CHRM2: variants seen among roughly 807,000 people sequenced by gnomAD.
The protein encoded by CHRM2 is cholinergic receptor muscarinic 2, also known as muscarinic acetylcholine receptor M2.
In CHRM2, 8 loss-of-function variants were observed where a neutral mutation model predicts 25.0. The observed-to-expected ratio is 0.32, with a 90% confidence interval of 0.19 to 0.58. The LOEUF is 0.58. Ranked by LOEUF, CHRM2 falls within the 20% of genes least tolerant of loss-of-function variation. The pLI, the probability that CHRM2 is intolerant of heterozygous loss-of-function variation, is 0.88. For synonymous variants in CHRM2, 202 were observed against 205.7 expected (o/e 0.98, Z 0.15); for missense variants, 440 against 567.1 (o/e 0.78, Z 2.28).
At chr7:136,950,734 C>T (rs1306268040) in intron 2 of CHRM2, among the ~76,000 whole-genome samples, 2 of 152,122 alleles carry the variant, frequency 1.3e-5, no homozygotes, top group African/African-American at 4.8e-5. Flanking sequence ...GATTCTGAAC[C>T]AGGACTGAAC....
At chr7:136,952,933 ATTCCATGGT>A (rs1269431127) in intron 2 of CHRM2, among the ~76,000 whole-genome samples, 3 of 152,170 alleles carry the variant, frequency 2.0e-5, no homozygotes, top group African/African-American at 7.2e-5. Flanking sequence ...GCTGCATAGT[ATTCCATGGT>A]TTATATATAC....
At chr7:137,001,710 C>T (rs538777768) in intron 3 of CHRM2, among the ~76,000 whole-genome samples, 10 of 152,234 alleles carry the variant, frequency 6.6e-5, no homozygotes, top group African/African-American at 2.4e-4. Flanking sequence ...AGGTCTGTAT[C>T]CCTTGTCTTG....
chr7:136,875,176 A>C (rs6962563), intron 2 of CHRM2, among the ~76,000 whole-genome samples: 32,566 of 150,118 alleles, frequency 0.22, 4,509 homozygotes, highest in African/African-American at 0.38. Context: ...ATATATATAT[A>C]TCTCCAGCAA....
chr7:136,930,619 C>G (rs1025314477), intron 2 of CHRM2, among the ~76,000 whole-genome samples: 2 of 151,330 alleles, frequency 1.3e-5, no homozygotes, highest in African/African-American at 4.9e-5. Context: ...TAGAAAATGC[C>G]AGGCGCGGTG....
At chr7:136,927,967 C>A (rs1798843779) in intron 2 of CHRM2, among the ~76,000 whole-genome samples, 1 of 152,104 alleles carries the variant, frequency 6.6e-6, no homozygotes, top group Non-Finnish European at 1.5e-5. Flanking sequence ...TAAATAAATT[C>A]TATTAATCTG....
intron 2 of CHRM2, among the ~76,000 whole-genome samples, chr7:136,914,650 G>T (rs1388362734): frequency 1.3e-5 from 2 of 151,900 alleles, no homozygotes; most frequent in Non-Finnish European, 2.9e-5. Flanking sequence ...TCTGATTCAA[G>T]TGCCACCTTG....
intron 2 of CHRM2, among the ~76,000 whole-genome samples, chr7:136,892,466 A>G (rs1024036567): frequency 6.6e-6 from 1 of 152,170 alleles, no homozygotes; most frequent in Non-Finnish European, 1.5e-5. Context: ...GACAAGAAAA[A>G]AAAAATGATT....
intron 2 of CHRM2, among the ~76,000 whole-genome samples, chr7:136,982,442 C>T (rs1485248493): frequency 1.3e-5 from 2 of 152,148 alleles, no homozygotes; most frequent in African/African-American, 4.8e-5. Context: ...ATCCCATTTA[C>T]ATTTAAGGTT....
At position 137,017,546 on chromosome 7, in the gene CHRM2, C is replaced by G. The variant is rs1249761236; in HGVS notation, c.*1280C>G. 1 of 151,914 alleles carries G rather than the reference C, an allele frequency of 6.6e-6. No homozygotes were observed. The highest frequency in any genetic ancestry group is 1.5e-5 in the Non-Finnish European group (1 of 67,934). 9.4% of individuals were successfully genotyped at this position (151,914 alleles called of 1,614,324 possible). On this transcript the variant is annotated 3_prime_UTR_variant, in exon 4 of 4. Coordinates refer to ENST00000680005, the MANE Select transcript of CHRM2 (RefSeq NM_001006630.2). ...AGGATGTCTGCAATTATCCTATGACCCCATGAAAGGGGAAAAAACGATATT... is the reference window on the plus strand; with the variant it reads ...AGGATGTCTGCAATTATCCTATGACGCCATGAAAGGGGAAAAAACGATATT...
At chr7:136,975,897 G>A (rs910751390) in intron 2 of CHRM2, among the ~76,000 whole-genome samples, 1 of 152,110 alleles carries the variant, frequency 6.6e-6, no homozygotes, top group Non-Finnish European at 1.5e-5. Flanking sequence ...AAGGATGATG[G>A]TGTTCTCGTT....
chr7:136,938,178 G>T, intron 2 of CHRM2: 1 of 725,128 alleles, frequency 1.4e-6, no homozygotes, highest in East Asian at 2.5e-5. Context: ...CCACTCTTCT[G>T]GAAGAGTCCA....
intron 3 of CHRM2, among the ~76,000 whole-genome samples, chr7:137,001,214 C>A (rs529912073): frequency 2.6e-5 from 4 of 152,258 alleles, no homozygotes; most frequent in Admixed American, 6.5e-5. Flanking sequence ...CCTCCTCCCC[C>A]CTCAGACAGG....
chr7:136,999,377 TA>T lies in CHRM2; in HGVS notation c.-47+7117del, dbSNP rs766899308. On this transcript the variant is annotated intron_variant, in intron 3 of 3. Transcript: ENST00000680005. ...TCCACATGTATCCTGGAACTTTAAA[TA>T]AAATAAAATATATTTTACTTCTTTT... is the stretch of plus-strand genomic sequence containing the variant. Among the ~76,000 whole-genome samples the T allele has an allele frequency of 2.0e-5, 3 of 152,226 alleles. No homozygotes were observed. The East Asian group carries it at 5.8e-4, about 29-fold the overall frequency.
intron 2 of CHRM2, among the ~76,000 whole-genome samples, chr7:136,893,836 A>G (rs530199369): frequency 6.6e-6 from 1 of 152,320 alleles, no homozygotes; most frequent in South Asian, 2.1e-4. Flanking sequence ...TGAAAAAAAG[A>G]TGATAGATGG....
At position 137,016,106 on chromosome 7, in the gene CHRM2, C is replaced by A; in HGVS notation, c.1241C>A (p.Ala414Glu). The A allele has an allele frequency of 3.1e-6, 5 of 1,612,224 alleles. No homozygotes were observed. The highest frequency in any genetic ancestry group is 4.2e-6 in the Non-Finnish European group (5 of 1,178,896). Residue 414 changes from alanine (A) to glutamate (E), a missense_variant, in exon 4 of 4, where the codon GCA becomes GAA. Physicochemically the swap from Ala to Glu is moderately radical, Grantham distance 107. This residue lies in a region of CHRM2 where 65 missense variants were observed against 108.9 expected (regional missense o/e 0.60). Transcript: ENST00000680005. ...NVMVLINTFC[A>E]PCIPNTVWTI... ...ATGGTGCTCATTAACACCTTTTGTG[C>A]ACCTTGCATCCCCAACACTGTGTGG...
chr7:136,991,393 T>A (rs535360490), intron 2 of CHRM2, among the ~76,000 whole-genome samples: 1 of 152,268 alleles, frequency 6.6e-6, no homozygotes, highest in South Asian at 2.1e-4. Context: ...AAAGACTATC[T>A]TTGCTCCATT....
At chr7:136,932,358 A>C (rs1799156168) in intron 2 of CHRM2, among the ~76,000 whole-genome samples, 1 of 152,232 alleles carries the variant, frequency 6.6e-6, no homozygotes, top group Non-Finnish European at 1.5e-5. Context: ...TCACTGGTGA[A>C]TTCTTCTAAA....
At chr7:136,878,559 G>T (rs1182875757) in intron 2 of CHRM2, among the ~76,000 whole-genome samples, 1 of 151,684 alleles carries the variant, frequency 6.6e-6, no homozygotes, top group Non-Finnish European at 1.5e-5. Flanking sequence ...CAGAATTTGG[G>T]GTGAGATACT....
Position 137,015,134 on chromosome 7 carries a change from C to G in CHRM2, c.269C>G (p.Pro90Arg). Residue 90 changes from proline to arginine, a missense_variant, in exon 4 of 4, where the codon CCT (proline) becomes CGT (arginine). By Grantham distance (103) the Pro-to-Arg change is moderately radical. Around this residue, in one of 5 missense-constraint regions of CHRM2, gnomAD observed 86 missense variants for 124.9 expected, o/e 0.69. Transcript: ENST00000680005. The surrounding 1 kb of genome is among the most constrained non-coding windows in gnomAD (Gnocchi z 5.1). ...YTLYTVIGYW[P>R]LGPVVCDLWL... ...CTCTACACTGTGATTGGTTACTGGC[C>G]TTTGGGACCTGTGGTGTGTGACCTT... is the stretch of plus-strand genomic sequence containing the variant. The G allele has an allele frequency of 6.2e-7, 1 of 1,613,536 alleles. No individual in the cohort carries two copies. Among genetic ancestry groups the G allele is most frequent in the Non-Finnish European group, 8.5e-7 (1 of 1,179,638 alleles).
Sources: gnomAD v4.1 joint callset for allele counts (sites outside exome capture counted in the v4.1 genomes callset) on GRCh38, gnomAD v4.1.1 for gene constraint, gnomAD v4.1.1 regional missense constraint, Gnocchi (gnomAD v3.1) non-coding constraint, MANE v1.5 for transcripts, NCBI Gene and HGNC (gene_info 2026-07-23, HGNC 2026-07-21) for gene names.